ADGRL1: variants seen among roughly 807,000 people sequenced by gnomAD.
ADGRL1 encodes the protein adhesion G protein-coupled receptor L1, also known as CIRL-1.
In ADGRL1, 31 loss-of-function variants were observed where a neutral mutation model predicts 148.9. The observed-to-expected ratio is 0.21, with a 90% CI of 0.16 to 0.28. The LOEUF (loss-of-function observed/expected upper bound fraction) is 0.28, where lower values mean the gene tolerates loss of function less well. Ranked by LOEUF, ADGRL1 falls within the 10% of genes least tolerant of loss-of-function variation. ADGRL1 has a pLI of 1.00. For synonymous variants in ADGRL1, 937 were observed against 900.3 expected (o/e 1.04, Z -0.73); for missense variants, 1,521 against 2,058.8 (o/e 0.74, Z 5.05).
In ADGRL1 at chr19:14,161,689, G is replaced by T; in HGVS notation, c.1196-63C>A. 1 of 1,198,768 alleles carries T rather than the reference G, an allele frequency of 8.3e-7. No homozygotes were observed. Among genetic ancestry groups the T allele is most frequent in the Non-Finnish European group, 1.1e-6 (1 of 927,864 alleles). The allele number at this position is 1,198,768 out of a possible 1,614,324, so 74.3% of individuals were successfully genotyped here. On this transcript the variant is annotated intron_variant, in intron 5 of 22. Coordinates refer to ENST00000361434, the MANE Select transcript of ADGRL1 (RefSeq NM_014921.5). This position sits in a 1 kb window ranked among gnomAD's most constrained non-coding sequence, Gnocchi z 4.4. ...CAGGGCCATGCCACAGTGTGCTTGG[G>T]CAGGGGGTCCCAGGCCATCTTAGCA...
chr19:14,165,940 C>T (rs1969918601), intron 4 of ADGRL1, among the ~76,000 whole-genome samples: 1 of 152,168 alleles, frequency 6.6e-6, no homozygotes. Context: ...CCAAAACTTT[C>T]TGGAGAGGAA....
chr19:14,174,534 C>CTTTTT (rs1445557543), intron 3 of ADGRL1, among the ~76,000 whole-genome samples: 1 of 142,568 alleles, frequency 7.0e-6, no homozygotes. Flanking sequence ...TGGTAACACA[C>CTTTTT]ATTTTTTTTT....
chr19:14,184,048 T>C (rs1001237350), intron 1 of ADGRL1, among the ~76,000 whole-genome samples: 4 of 152,106 alleles, frequency 2.6e-5, no homozygotes, highest in African/African-American at 9.7e-5. Flanking sequence ...CCTACTCGCA[T>C]CCTCACCATG....
At chr19:14,202,492 A>G (rs1451069514) in intron 1 of ADGRL1, among the ~76,000 whole-genome samples, 1 of 152,024 alleles carries the variant, frequency 6.6e-6, no homozygotes, top group African/African-American at 2.4e-5. Flanking sequence ...ACCTCAGGTG[A>G]TCCACCCGCC....
At position 14,163,034 on chromosome 19, in the gene ADGRL1, C is replaced by A; in HGVS notation, c.767G>T (p.Arg256Leu). 1 of 1,614,076 alleles carries A rather than the reference C, an allele frequency of 6.2e-7. No homozygotes were observed. Among genetic ancestry groups the A allele is most frequent in the South Asian group, 1.1e-5 (1 of 91,080 alleles). The change falls in exon 5 of 23, where the codon CGC (arginine) becomes CTC (leucine). Residue 256 changes from arginine to leucine, a missense_variant. Transcript: ENST00000361434. Reference protein sequence around the residue: ...TANYHDTSPYRWGGKTDIDLA... With the variant: ...TANYHDTSPYLWGGKTDIDLA... Reference sequence around the variant, plus strand: ...GTCAATGTCGGTCTTTCCGCCCCAGCGGTAGGGCGAGGTGTCATGGTAGTT... The same window carrying A: ...GTCAATGTCGGTCTTTCCGCCCCAGAGGTAGGGCGAGGTGTCATGGTAGTT...
chr19:14,158,041 G>A lies in ADGRL1; in HGVS notation c.2376C>T (p.His792=), dbSNP rs190115592. 1.2e-5 allele frequency: 19 copies of A among 1,614,184 alleles called. No individual in the cohort carries two copies. In the African/African-American group the frequency reaches 2.4e-4, roughly 20 times the overall value. ...FTVAHLEDKN[H]FNANCSFWNY... ...TCCAGAAGGAGCAGTTAGCATTGAA[G>A]TGGTTCTTGTCCTGTTGTGTGGTGG... Residue 792 remains histidine, a synonymous_variant, in exon 13 of 23, where the codon CAC becomes CAT. Transcript: ENST00000361434.
intron 3 of ADGRL1, among the ~76,000 whole-genome samples, chr19:14,173,989 G>C (rs1181373800): frequency 1.3e-5 from 2 of 150,610 alleles, no homozygotes; most frequent in African/African-American, 4.9e-5. Flanking sequence ...GCTTGGTTGT[G>C]GAGCAGTGGG....
Position 14,160,511 on chromosome 19 carries a change from C to G in ADGRL1, c.1614+82G>C. On this transcript the variant is annotated intron_variant, in intron 7 of 22. Coordinates refer to ENST00000361434, the MANE Select transcript of ADGRL1 (RefSeq NM_014921.5). This position sits in a 1 kb window ranked among gnomAD's most constrained non-coding sequence, Gnocchi z 5.9. Reference sequence around the variant, plus strand: ...TCCAGACCTGCCAGCCCATGTCTCCCCAGCTGCTCCACGACCCCCGCTGGG... The same window carrying G: ...TCCAGACCTGCCAGCCCATGTCTCCGCAGCTGCTCCACGACCCCCGCTGGG... The G allele has an allele frequency of 5.4e-6, 6 of 1,103,422 alleles. No individual in the cohort carries two copies. In the South Asian group the frequency reaches 9.6e-5, roughly 18 times the overall value. The allele number at this position is 1,103,422 out of a possible 1,614,324, so 68.4% of individuals were successfully genotyped here. A position where few individuals can be genotyped will look rare whatever the true frequency, so the allele number is the denominator to read the frequency against.
rs1480653557 is a variant in ADGRL1, at chr19:14,175,620, ACACT to A, written c.284+1907_284+1910del. Among the ~76,000 whole-genome samples the A allele has an allele frequency of 1.2e-4, 18 of 151,108 alleles. No homozygotes were observed. The East Asian group carries it at 1.3e-3, about 11-fold the overall frequency. On this transcript the variant is annotated intron_variant, in intron 3 of 22. Coordinates refer to ENST00000361434, the MANE Select transcript of ADGRL1 (RefSeq NM_014921.5). Reference sequence around the variant, plus strand: ...CACACTCATACAGACACACTCAGACACACTCAAAGACATGTTTAGTCACACACAT... The same window carrying A: ...CACACTCATACAGACACACTCAGACACAAAGACATGTTTAGTCACACACAT...
intron 4 of ADGRL1, among the ~76,000 whole-genome samples, chr19:14,167,864 C>T (rs1970127521): frequency 6.6e-6 from 1 of 152,138 alleles, no homozygotes; most frequent in Admixed American, 6.5e-5. Flanking sequence ...GGCTTCTCTG[C>T]TCAACCCACC....
At chr19:14,175,442 C>T (rs903841019) in intron 3 of ADGRL1, among the ~76,000 whole-genome samples, 46 of 150,904 alleles carry the variant, frequency 3.0e-4, no homozygotes, top group Non-Finnish European at 3.8e-4. Context: ...AAAACACACA[C>T]CTCAGTCAGC....
In ADGRL1 at chr19:14,156,576, G is replaced by A. The variant is rs1372125975; in HGVS notation, c.3033+82C>T. The A allele has an allele frequency of 2.8e-5, 25 of 889,762 alleles. No homozygotes were observed. The African/African-American group carries it at 3.5e-4, about 13-fold the overall frequency. The allele number at this position is 889,762 out of a possible 1,614,324, so 55.1% of individuals were successfully genotyped here. A position where few individuals can be genotyped will look rare whatever the true frequency, so the allele number is the denominator to read the frequency against. ...GAGTGTGTGTGTGTGTGGGGGGGGT[G>A]GGGGGCGGGGGCAGGGGCTGGGGTC... On this transcript the variant is annotated intron_variant, in intron 16 of 22. Transcript: ENST00000361434.
intron 1 of ADGRL1, among the ~76,000 whole-genome samples, chr19:14,187,465 C>G (rs1231130927): frequency 6.6e-6 from 1 of 151,430 alleles, no homozygotes; most frequent in Non-Finnish European, 1.5e-5. Flanking sequence ...CAAGACAGCC[C>G]TGAACACCCC....
intron 4 of ADGRL1, among the ~76,000 whole-genome samples, chr19:14,167,835 A>G (rs776818714): frequency 1.3e-5 from 2 of 152,090 alleles, no homozygotes; most frequent in African/African-American, 2.4e-5. Flanking sequence ...CAGGCTCCCC[A>G]GGGGCAAGTC....
chr19:14,186,256 C>T (rs1971566889), intron 1 of ADGRL1, among the ~76,000 whole-genome samples: 1 of 152,140 alleles, frequency 6.6e-6, no homozygotes, highest in African/African-American at 2.4e-5. Flanking sequence ...TGAGGTCTTG[C>T]TATGTTGCCC....
intron 3 of ADGRL1, among the ~76,000 whole-genome samples, chr19:14,176,186 T>C (rs1970811980): frequency 6.6e-6 from 1 of 151,350 alleles, no homozygotes; most frequent in Admixed American, 6.6e-5. Context: ...CCGTCTCTAT[T>C]AAAAATACAA....
chr19:14,165,479 A>AG (rs1195262192), intron 4 of ADGRL1, among the ~76,000 whole-genome samples: 1 of 152,078 alleles, frequency 6.6e-6, no homozygotes, highest in Admixed American at 6.5e-5. Flanking sequence ...ACCCAGGGGA[A>AG]GGGGGAGAAG....
intron 3 of ADGRL1, among the ~76,000 whole-genome samples, chr19:14,173,163 G>A (rs541849319): frequency 2.8e-4 from 42 of 152,196 alleles, no homozygotes; most frequent in African/African-American, 8.7e-4. Flanking sequence ...GTTTTGCCGT[G>A]TTGCCTAGGC....
chr19:14,161,205 A>G lies in ADGRL1; in HGVS notation c.1510+107T>C. The G allele has an allele frequency of 8.7e-7, 1 of 1,152,884 alleles. No homozygotes were observed. Among genetic ancestry groups the G allele is most frequent in the Non-Finnish European group, 1.2e-6 (1 of 854,336 alleles). The allele number at this position is 1,152,884 out of a possible 1,614,324, so 71.4% of individuals were successfully genotyped here. A position where few individuals can be genotyped will look rare whatever the true frequency, so the allele number is the denominator to read the frequency against. ...GTCACTGGGGATGACCCCTGCCCTC[A>G]GAAAACCTCTGCTCCGCAGTAGAGA... On this transcript the variant is annotated intron_variant, in intron 6 of 22. Transcript: ENST00000361434. The surrounding 1 kb of genome is among the most constrained non-coding windows in gnomAD (Gnocchi z 4.4).
Sources: gnomAD v4.1 joint callset for allele counts (sites outside exome capture counted in the v4.1 genomes callset) on GRCh38, gnomAD v4.1.1 for gene constraint, Gnocchi (gnomAD v3.1) non-coding constraint, MANE v1.5 for transcripts, NCBI Gene and HGNC (gene_info 2026-07-23, HGNC 2026-07-21) for gene names.